Variants in NKTR observed in about 807,000 individuals in gnomAD.
NKTR encodes the protein NK-tumor recognition protein.
Under a neutral mutation model 156.3 loss-of-function variants are expected in NKTR, and 67 were observed. The observed-to-expected ratio is 0.43, with a 90% CI of 0.35 to 0.53. The LOEUF is 0.53. Ranked by LOEUF, NKTR falls within the 20% of genes least tolerant of loss-of-function variation. The probability of loss-of-function intolerance (pLI) is 0.01; values close to 1 mark genes in which losing one functional copy is unlikely to be tolerated. For synonymous variants in NKTR, 640 were observed against 596.6 expected (o/e 1.07, Z -1.06); for missense variants, 1,604 against 1,730.9 (o/e 0.93, Z 1.30).
intron 2 of NKTR, among the ~76,000 whole-genome samples, chr3:42,604,659 C>CCTTTTTTTTTTT (rs1706021574): frequency 2.2e-5 from 1 of 45,282 alleles, no homozygotes; most frequent in Non-Finnish European, 4.0e-5. Context: ...TATTTCTCTC[C>CCTTTTTTTTTTT]TTTTTTTTTT....
chr3:42,609,396 G>T (rs184265997), intron 2 of NKTR, among the ~76,000 whole-genome samples: 2 of 152,190 alleles, frequency 1.3e-5, no homozygotes, highest in Non-Finnish European at 2.9e-5. Flanking sequence ...ATAAGCTGAA[G>T]TATTAATAAT....
chr3:42,629,002 A>G, intron 6 of NKTR: 1 of 733,986 alleles, frequency 1.4e-6, no homozygotes, highest in Non-Finnish European at 1.7e-6. Flanking sequence ...ACTCCATCTC[A>G]AAATAAACAA....
At position 42,632,837 on chromosome 3, in the gene NKTR, AC is replaced by A; in HGVS notation, c.773+16del. 1 of 1,544,828 alleles carries A rather than the reference AC, an allele frequency of 6.5e-7. No homozygotes were observed. Among genetic ancestry groups the A allele is most frequent in the Non-Finnish European group, 8.7e-7 (1 of 1,147,870 alleles). ...GAACCCAAAAGGGTACGTGTAAAACACCAATGTACTCTTACCTAAAAACAAA... is the reference window on the plus strand; with the variant it reads ...GAACCCAAAAGGGTACGTGTAAAACACAATGTACTCTTACCTAAAAACAAA... On this transcript the variant is annotated intron_variant, in intron 9 of 16. Transcript: ENST00000232978.
At chr3:42,607,840 G>A (rs1054872949) in intron 2 of NKTR, among the ~76,000 whole-genome samples, 1 of 152,108 alleles carries the variant, frequency 6.6e-6, no homozygotes, top group East Asian at 1.9e-4. Context: ...CCAACTAAGT[G>A]TCCAACAATT....
Position 42,639,110 on chromosome 3 carries a change from A to G in NKTR, c.3406A>G (p.Arg1136Gly). ...DDNMEICTPDRSSPAKVEETS... is the reference protein window; with the variant it reads ...DDNMEICTPDGSSPAKVEETS... ...CAACATGGAGATCTGCACTCCTGAT[A>G]GGAGTTCCCCAGCAAAAGTAGAGGA... Residue 1136 changes from arginine to glycine, a missense_variant, in exon 13 of 17, where the codon AGG becomes GGG. Arg to Gly is a moderately radical substitution (Grantham distance 125). This residue lies in a region of NKTR where 1,255 missense variants were observed against 1,243.7 expected (regional missense o/e 1.01). Coordinates refer to ENST00000232978, the MANE Select transcript of NKTR (RefSeq NM_005385.4). The G allele has an allele frequency of 6.2e-7, 1 of 1,614,214 alleles. No individual in the cohort carries two copies. The highest frequency in any genetic ancestry group is 8.5e-7 in the Non-Finnish European group (1 of 1,180,040).
At chr3:42,621,582 G>A in intron 6 of NKTR, 66 bp downstream of exon 6, 1 of 1,535,350 alleles carries the variant, frequency 6.5e-7, no homozygotes, top group Non-Finnish European at 8.7e-7. Flanking sequence ...AAGAAAGATG[G>A]TATAGTTAAA....
chr3:42,615,513 G>A (rs1707273718), intron 2 of NKTR, among the ~76,000 whole-genome samples: 1 of 151,480 alleles, frequency 6.6e-6, no homozygotes, highest in South Asian at 2.1e-4. Flanking sequence ...CCAATTATCT[G>A]TTAAGGAGAA....
intron 16 of NKTR, among the ~76,000 whole-genome samples, chr3:42,645,465 G>T (rs143072215): frequency 5.9e-5 from 9 of 152,040 alleles, no homozygotes; most frequent in Non-Finnish European, 1.2e-4. Context: ...CAGGTGGATC[G>T]TCTGAGGTCA....
intron 7 of NKTR, 96 bp from the exon 8 acceptor site, chr3:42,631,075 G>A (rs543591551): frequency 2.0e-6 from 3 of 1,511,392 alleles, no homozygotes; most frequent in African/African-American, 1.4e-5. Flanking sequence ...TTATTTTCAG[G>A]TCTGTGGACA....
At chr3:42,628,549 A>C in intron 6 of NKTR, 1 of 985,442 alleles carries the variant, frequency 1.0e-6, no homozygotes, top group Non-Finnish European at 1.2e-6. Context: ...TGTTTTAAGA[A>C]AAATTTGCAG....
chr3:42,612,420 T>C (rs1157671278), intron 2 of NKTR: 1 of 152,148 alleles, frequency 6.6e-6, no homozygotes, highest in Non-Finnish European at 1.5e-5. Context: ...ATTTTGCCAT[T>C]ACATAACTTT....
intron 5 of NKTR, chr3:42,620,088 T>C: frequency 6.5e-7 from 1 of 1,528,362 alleles, no homozygotes; most frequent in Non-Finnish European, 8.8e-7. Context: ...TTCTGTTCCC[T>C]TGCACCCTTC....
chr3:42,618,505 T>C (rs746492948), intron 3 of NKTR, among the ~76,000 whole-genome samples: 2 of 152,112 alleles, frequency 1.3e-5, no homozygotes, highest in Admixed American at 6.5e-5. Flanking sequence ...AGTGCGGTAG[T>C]GTGATCTCAG....
chr3:42,629,864 C>G, intron 6 of NKTR: 1 of 985,418 alleles, frequency 1.0e-6, no homozygotes, highest in Non-Finnish European at 1.2e-6. Context: ...TGGGTGTTTT[C>G]TGGGCCAAGG....
chr3:42,624,024 T>C (rs140175180), intron 6 of NKTR, among the ~76,000 whole-genome samples: 14 of 152,254 alleles, frequency 9.2e-5, no homozygotes, highest in African/African-American at 2.4e-4. Flanking sequence ...AGGATTCTTA[T>C]GTTTTGTGCA....
At chr3:42,610,298 G>A (rs1269127914) in intron 2 of NKTR, among the ~76,000 whole-genome samples, 1 of 152,036 alleles carries the variant, frequency 6.6e-6, no homozygotes, top group Admixed American at 6.6e-5. Flanking sequence ...GAGCTACCAC[G>A]CCTAGCCTAC....
chr3:42,608,351 G>A (rs1396317810), intron 2 of NKTR, among the ~76,000 whole-genome samples: 1 of 152,084 alleles, frequency 6.6e-6, no homozygotes, highest in Non-Finnish European at 1.5e-5. Context: ...TAATTTGCTA[G>A]AGCAGCTCAC....
chr3:42,601,268 C>T, intron 2 of NKTR: 1 of 426,544 alleles, frequency 2.3e-6, no homozygotes, highest in South Asian at 3.5e-5. Context: ...CTCTTCCTGC[C>T]AAACCCCACA....
intron 2 of NKTR, among the ~76,000 whole-genome samples, chr3:42,606,128 G>C (rs1366840675): frequency 6.6e-6 from 1 of 152,000 alleles, no homozygotes; most frequent in African/African-American, 2.4e-5. Context: ...AATGAGGTTT[G>C]GTCAGTTGTA....
Sources: gnomAD v4.1 joint callset for allele counts (sites outside exome capture counted in the v4.1 genomes callset) on GRCh38, gnomAD v4.1.1 for gene constraint, gnomAD v4.1.1 regional missense constraint, MANE v1.5 for transcripts, NCBI Gene and HGNC (gene_info 2026-07-23, HGNC 2026-07-21) for gene names.